The following MN1 variants were observed in gnomAD, a reference collection of about 807,000 sequenced individuals.
The protein encoded by MN1 is MN1 proto-oncogene, transcriptional regulator, also known as transcriptional activator MN1.
MN1 carries 19 observed loss-of-function variants against 86.9 expected under a neutral mutation model. The ratio of observed to expected loss-of-function variants is 0.22; its 90% CI spans 0.15 to 0.32. The LOEUF (loss-of-function observed/expected upper bound fraction) is 0.32, where lower values mean the gene tolerates loss of function less well. Among genes scored for constraint, MN1 ranks in the 10% least tolerant of loss-of-function variants. MN1 has a pLI of 1.00. For missense variants in MN1, 1,841 were observed against 1,862.0 expected, an observed-to-expected ratio of 0.99 and a Z score of 0.21; for synonymous variants, 928 against 849.6, an observed-to-expected ratio of 1.09 and a Z score of -1.60.
Position 27,798,358 on chromosome 22 carries a change from C to T in MN1, c.2186G>A (p.Arg729Gln). The change falls in exon 1 of 2, where the codon CGG becomes CAG. Residue 729 changes from arginine (R) to glutamine (Q), a missense_variant. Arg to Gln is a conservative substitution (Grantham distance 43, BLOSUM62 1). Coordinates refer to ENST00000302326, the MANE Select transcript of MN1 (RefSeq NM_002430.3). ...VGLPSAASER[R>Q]PPPPDFATSA... ...CGTAGCAAAGTCCGGCGGCGGGGGC[C>T]GGCGCTCCGAAGCAGCGCTGGGGAG... The T allele has an allele frequency of 2.0e-6, 3 of 1,502,852 alleles. No homozygotes were observed. Among genetic ancestry groups the T allele is most frequent in the South Asian group, 1.3e-5 (1 of 79,790 alleles). 93.1% of individuals were successfully genotyped at this position (1,502,852 alleles called of 1,614,324 possible). A position where few individuals can be genotyped will look rare whatever the true frequency, so the allele number is the denominator to read the frequency against.
At chr22:27,765,307 C>G (rs756293183) in intron 1 of MN1, among the ~76,000 whole-genome samples, 4 of 152,204 alleles carry the variant, frequency 2.6e-5, no homozygotes, top group Admixed American at 1.3e-4. Flanking sequence ...ATGTCCTCGT[C>G]ATTTGCTATG....
At chr22:27,794,821 T>TG (rs1568981652) in intron 1 of MN1, among the ~76,000 whole-genome samples, 9 of 149,760 alleles carry the variant, frequency 6.0e-5, no homozygotes, top group African/African-American at 1.5e-4. Flanking sequence ...GTTGTTGTTT[T>TG]TTTTTTTTTT....
At chr22:27,772,262 C>T (rs929263674) in intron 1 of MN1, among the ~76,000 whole-genome samples, 2 of 152,182 alleles carry the variant, frequency 1.3e-5, no homozygotes, top group African/African-American at 4.8e-5. Flanking sequence ...CCCACTGCCT[C>T]GCTGTGTCTC....
At chr22:27,787,921 T>A (rs1426797185) in intron 1 of MN1, among the ~76,000 whole-genome samples, 1 of 152,050 alleles carries the variant, frequency 6.6e-6, no homozygotes, top group Non-Finnish European at 1.5e-5. Context: ...GGTCATCCAG[T>A]CTCAGGCTGG....
At chr22:27,787,663 A>G (rs754136856) in intron 1 of MN1, among the ~76,000 whole-genome samples, 14 of 152,126 alleles carry the variant, frequency 9.2e-5, no homozygotes, top group Non-Finnish European at 1.8e-4. Flanking sequence ...GGGTCTTGCT[A>G]GGAGGGAAGC....
Position 27,797,989 on chromosome 22 carries a change from T to C in MN1, c.2555A>G (p.Asn852Ser), listed in dbSNP as rs1227699457. 4.4e-6 allele frequency: 7 copies of C among 1,594,028 alleles called. No individual in the cohort carries two copies. The highest frequency in any genetic ancestry group is 1.4e-5 in the African/African-American group (1 of 73,954). ...CAGTTTCCTCTTGCCCTCTGGCGGG[T>C]TCTTCTTGTTGAAGGTCACGTTGAG... ...PNLNVTFNKK[N>S]PPEGKRKLSQ... The change falls in exon 1 of 2, where the codon AAC (asparagine) becomes AGC (serine). Residue 852 changes from asparagine to serine, a missense_variant. Asn to Ser is a conservative substitution (Grantham distance 46). Transcript: ENST00000302326.
rs1364255164 is a variant in MN1 at position 27,798,202 on chromosome 22, C to A, written c.2342G>T (p.Gly781Val). 1 of 1,528,318 alleles carries A rather than the reference C, an allele frequency of 6.5e-7. No homozygotes were observed. Among genetic ancestry groups the A allele is most frequent in the Non-Finnish European group, 8.7e-7 (1 of 1,146,600 alleles). 94.7% of individuals were successfully genotyped at this position (1,528,318 alleles called of 1,614,324 possible). ...GGGGSSGGGG[G>V]GGAYPPQPDF... ...AGGCTGCGGCGGGTAGGCACCCCCG[C>A]CACCGCCGCCACCAGAGCTGCCACC... Residue 781 changes from glycine (G) to valine (V), a missense_variant, in exon 1 of 2, where the codon GGC (glycine) becomes GTC (valine). Gly to Val is a moderately radical substitution (Grantham distance 109). Transcript: ENST00000302326.
At chr22:27,793,956 TATC>T (rs939155098) in intron 1 of MN1, among the ~76,000 whole-genome samples, 10 of 151,914 alleles carry the variant, frequency 6.6e-5, no homozygotes, top group African/African-American at 2.4e-4. Flanking sequence ...CAAAATAAAA[TATC>T]ATTACAAAAA....
intron 1 of MN1, among the ~76,000 whole-genome samples, chr22:27,789,704 C>T (rs1009110253): frequency 7.9e-5 from 12 of 152,228 alleles, no homozygotes; most frequent in Admixed American, 2.6e-4. Context: ...CATGTTATTA[C>T]AAATGCTCTA....
chr22:27,759,892 C>G (rs1000329567), intron 1 of MN1, among the ~76,000 whole-genome samples: 1 of 152,242 alleles, frequency 6.6e-6, no homozygotes, highest in Non-Finnish European at 1.5e-5. Context: ...AACCCTCCCC[C>G]CAAATCCCTT....
At position 27,799,890 on chromosome 22, in the gene MN1, C is replaced by A. The variant is rs1400921086; in HGVS notation, c.654G>T (p.Glu218Asp). ...SSSGSDSHSL[E>D]PRRVTNQGAV... ...CTCCTTGGTTCGTCACCCTCCGTGG[C>A]TCCAGACTGTGGGAATCGGAGCCGC... The change falls in exon 1 of 2, where the codon GAG becomes GAT. Residue 218 changes from glutamate to aspartate, a missense_variant. By Grantham distance (45) the Glu-to-Asp change is conservative. Coordinates refer to ENST00000302326, the MANE Select transcript of MN1 (RefSeq NM_002430.3). 2 of 1,603,080 alleles carry A rather than the reference C, an allele frequency of 1.2e-6. No individual in the cohort carries two copies. The highest frequency in any genetic ancestry group is 2.2e-5 in the East Asian group (1 of 44,492).
intron 1 of MN1, among the ~76,000 whole-genome samples, chr22:27,786,971 TC>T: frequency 6.6e-6 from 1 of 152,218 alleles, no homozygotes; most frequent in East Asian, 1.9e-4. Context: ...ATCATGCCTT[TC>T]CCGGAGGCCT....
At chr22:27,776,689 C>T (rs1184216613) in intron 1 of MN1, among the ~76,000 whole-genome samples, 1 of 152,016 alleles carries the variant, frequency 6.6e-6, no homozygotes, top group Non-Finnish European at 1.5e-5. Context: ...CCCCATCTCG[C>T]CTTGAAGCTG....
chr22:27,767,160 T>G (rs1176620755), intron 1 of MN1, among the ~76,000 whole-genome samples: 5 of 152,074 alleles, frequency 3.3e-5, no homozygotes, highest in Non-Finnish European at 7.4e-5. Context: ...ACCTGACATA[T>G]AGTAGGCCCT....
chr22:27,796,234 G>A (rs1000616481), intron 1 of MN1, among the ~76,000 whole-genome samples: 5 of 152,150 alleles, frequency 3.3e-5, no homozygotes, highest in Non-Finnish European at 5.9e-5. Flanking sequence ...TGATGCTGCC[G>A]ACACCAGGGC....
chr22:27,779,039 C>G (rs1019808418), intron 1 of MN1, among the ~76,000 whole-genome samples: 1 of 152,194 alleles, frequency 6.6e-6, no homozygotes, highest in African/African-American at 2.4e-5. Context: ...TCCCTGACCC[C>G]GAACCAGCCC....
rs1342016323 is a variant in MN1 at position 27,797,243 on chromosome 22, G to A, written c.3301C>T (p.Pro1101Ser). 1.9e-6 allele frequency: 3 copies of A among 1,572,536 alleles called. No individual in the cohort carries two copies. The East Asian group carries it at 6.9e-5, about 36-fold the overall frequency. ...GACATGATGCCCAGGCCGAGGGCGG[G>A]CGGGGGCGCCTTCGGTCCGTGTTCC... ...AGEHGPKAPP[P>S]ALGLGIMSNS... Residue 1101 changes from proline to serine, a missense_variant, in exon 1 of 2, where the codon CCC becomes TCC. Transcript: ENST00000302326.
At chr22:27,772,473 C>T (rs1932926318) in intron 1 of MN1, among the ~76,000 whole-genome samples, 1 of 152,126 alleles carries the variant, frequency 6.6e-6, no homozygotes, top group Non-Finnish European at 1.5e-5. Flanking sequence ...ACAAGTGTGA[C>T]GAAGTACAGT....
At chr22:27,753,848 A>T (rs1391899379) in intron 1 of MN1, among the ~76,000 whole-genome samples, 7 of 151,650 alleles carry the variant, frequency 4.6e-5, no homozygotes, top group Non-Finnish European at 1.0e-4. Flanking sequence ...GTTCCCAGCG[A>T]CCCCTCCACC....
Sources: gnomAD v4.1 joint callset for allele counts (sites outside exome capture counted in the v4.1 genomes callset) on GRCh38, gnomAD v4.1.1 for gene constraint, MANE v1.5 for transcripts, NCBI Gene and HGNC (gene_info 2026-07-23, HGNC 2026-07-21) for gene names.